Variants in LIMK2 observed in about 807,000 individuals in gnomAD.
The protein encoded by LIMK2 is LIM domain kinase 2.
Under a neutral mutation model 75.7 loss-of-function variants are expected in LIMK2, and 35 were observed. The ratio of observed to expected loss-of-function variants is 0.46; its 90% CI spans 0.35 to 0.61. LIMK2 has a LOEUF of 0.61. LIMK2 is among the 20% of genes least tolerant of loss of function. LIMK2 has a pLI of 0.00. For synonymous variants in LIMK2, 301 were observed against 319.2 expected, an observed-to-expected ratio of 0.94 and a Z score of 0.61; for missense variants, 623 against 831.0, an observed-to-expected ratio of 0.75 and a Z score of 3.08.
chr22:31,277,158 G>A (rs777496867), intron 15 of LIMK2: 10 of 1,613,172 alleles, frequency 6.2e-6, no homozygotes, highest in South Asian at 3.3e-5. Flanking sequence ...CGACCCAGGC[G>A]AACGGTGGCT....
chr22:31,275,483 A>T, intron 15 of LIMK2, 175 bp downstream of exon 15: 1 of 615,568 alleles, frequency 1.6e-6, no homozygotes, highest in Non-Finnish European at 2.8e-6. Flanking sequence ...GAGAAGAGAG[A>T]GGTAAAGACA....
Position 31,262,189 on chromosome 22 carries a change from C to G in LIMK2, c.607C>G (p.Arg203Gly), listed in dbSNP as rs200312431. Residue 203 changes from arginine (R) to glycine (G), a missense_variant, in exon 6 of 16, where the codon CGC (arginine) becomes GGC (glycine). Transcript: ENST00000331728. The surrounding 1 kb of genome is among the most constrained non-coding windows in gnomAD (Gnocchi z 5.0). ...TCGAAACGCCATCCACCCTGGGGAC[C>G]GCATCCTGGAGATCAATGGGACCCC... The part of the protein sequence containing the change: ...NNRNAIHPGD[R>G]ILEINGTPVR... The G allele has an allele frequency of 1.4e-4, 222 of 1,614,144 alleles. No homozygotes were observed. The highest frequency in any genetic ancestry group is 1.8e-4 in the Non-Finnish European group (214 of 1,180,002).
At position 31,278,566 on chromosome 22, in the gene LIMK2, A is replaced by C. The variant is rs776848641; in HGVS notation, c.*125A>C. 7 of 1,075,618 alleles carry C rather than the reference A, an allele frequency of 6.5e-6. No individual in the cohort carries two copies. Among genetic ancestry groups the C allele is most frequent in the Non-Finnish European group, 7.7e-6 (6 of 777,114 alleles). 66.6% of individuals were successfully genotyped at this position (1,075,618 alleles called of 1,614,324 possible). On this transcript the variant is annotated 3_prime_UTR_variant, in exon 16 of 16. Coordinates refer to ENST00000331728, the MANE Select transcript of LIMK2 (RefSeq NM_005569.4). ...TGGCGGAATGTTTAGAAGCAGAACA[A>C]GCCATTCCTATTACCTCCCCAGGAG...
chr22:31,256,256 C>T (rs1166489858), intron 2 of LIMK2, among the ~76,000 whole-genome samples: 1 of 150,580 alleles, frequency 6.6e-6, no homozygotes, highest in Non-Finnish European at 1.5e-5. Flanking sequence ...CTCAGCCTCC[C>T]AAAGTGCTGG....
chr22:31,270,313 C>A (rs2048942750), intron 11 of LIMK2, among the ~76,000 whole-genome samples: 1 of 152,144 alleles, frequency 6.6e-6, no homozygotes, highest in Admixed American at 6.5e-5. Flanking sequence ...AACAGACACA[C>A]AAGAGTCTCA....
chr22:31,271,985 T>G (rs1313908043), intron 12 of LIMK2, among the ~76,000 whole-genome samples: 3 of 152,242 alleles, frequency 2.0e-5, no homozygotes, highest in African/African-American at 7.2e-5. Context: ...ATGAACCCAC[T>G]GTGGGCTGGG....
chr22:31,214,867 C>G (rs2048377528), intron 1 of LIMK2, among the ~76,000 whole-genome samples: 1 of 152,262 alleles, frequency 6.6e-6, no homozygotes, highest in Admixed American at 6.5e-5. Context: ...GCGATCCAGA[C>G]TCACTGTACC....
Position 31,212,312 on chromosome 22 carries a change from G to T in LIMK2, c.-97G>T. ...CTGGGGCTGTGGTCTTCCCGCGCCT[G>T]AGGCGGCGGCGGCAGGAGCTGAGGG... is the stretch of plus-strand genomic sequence containing the variant. On this transcript the variant is annotated 5_prime_UTR_variant, in exon 1 of 16. Transcript: ENST00000331728. 1 of 1,253,912 alleles carries T rather than the reference G, an allele frequency of 8.0e-7. No individual in the cohort carries two copies. The highest frequency in any genetic ancestry group is 3.7e-5 in the Admixed American group (1 of 26,992). 77.7% of individuals were successfully genotyped at this position (1,253,912 alleles called of 1,614,324 possible). A position where few individuals can be genotyped will look rare whatever the true frequency, so the allele number is the denominator to read the frequency against.
At chr22:31,270,237 G>A (rs558970218) in intron 11 of LIMK2, among the ~76,000 whole-genome samples, 3 of 152,288 alleles carry the variant, frequency 2.0e-5, no homozygotes, top group South Asian at 4.1e-4. Flanking sequence ...GCTGGTGGGG[G>A]TGTCTCAGCT....
intron 2 of LIMK2, among the ~76,000 whole-genome samples, chr22:31,236,958 TAAAATAAAAA>T (rs1278779363): frequency 4.3e-5 from 6 of 140,926 alleles, no homozygotes; most frequent in Middle Eastern, 4.2e-3. Context: ...TAAAATAAAA[TAAAATAAAAA>T]AATATGGAGG....
chr22:31,213,782 T>C (rs1196111132), intron 1 of LIMK2, among the ~76,000 whole-genome samples: 1 of 151,674 alleles, frequency 6.6e-6, no homozygotes, highest in African/African-American at 2.4e-5. Context: ...TTTTTTAAGC[T>C]TACAGAGTCC....
At chr22:31,249,780 T>C (rs1019018987) in intron 2 of LIMK2, among the ~76,000 whole-genome samples, 2 of 152,090 alleles carry the variant, frequency 1.3e-5, no homozygotes, top group African/African-American at 2.4e-5. Flanking sequence ...GTGCACCATG[T>C]GGTTTTGTGG....
At chr22:31,228,343 C>T (rs184989313) in intron 2 of LIMK2, among the ~76,000 whole-genome samples, 6 of 152,092 alleles carry the variant, frequency 3.9e-5, no homozygotes, top group Admixed American at 1.3e-4. Flanking sequence ...CGCTTGAATC[C>T]GGGAAGCAGA....
chr22:31,248,790 C>G, intron 2 of LIMK2: 1 of 1,613,344 alleles, frequency 6.2e-7, no homozygotes, highest in Non-Finnish European at 8.5e-7. Flanking sequence ...CTCCGAGTTC[C>G]CCTCTCCATC....
At chr22:31,249,269 G>A (rs146766445) in intron 2 of LIMK2, among the ~76,000 whole-genome samples, 136 of 152,298 alleles carry the variant, frequency 8.9e-4, no homozygotes, top group African/African-American at 3.0e-3. Context: ...TTCTCTTAAT[G>A]GCAGGCACAT....
chr22:31,251,274 C>T (rs917989929), intron 2 of LIMK2, among the ~76,000 whole-genome samples: 2 of 152,166 alleles, frequency 1.3e-5, no homozygotes, highest in Non-Finnish European at 2.9e-5. Context: ...CTTGGGTTTA[C>T]ACATTATCTC....
chr22:31,273,051 A>C, intron 13 of LIMK2: 2 of 1,115,842 alleles, frequency 1.8e-6, no homozygotes, highest in Non-Finnish European at 2.2e-6. Context: ...AACCAACCAG[A>C]GATGCTGGTT....
chr22:31,212,555 A>G (rs2048355952), intron 1 of LIMK2, 131 bp downstream of exon 1: 1 of 897,612 alleles, frequency 1.1e-6, no homozygotes, highest in South Asian at 5.1e-5. Flanking sequence ...CTCCTCAGAA[A>G]AGCTGGGAGG....
intron 1 of LIMK2, among the ~76,000 whole-genome samples, chr22:31,218,230 C>G (rs1244185405): frequency 1.3e-5 from 2 of 152,208 alleles, no homozygotes; most frequent in Admixed American, 1.3e-4. Flanking sequence ...AGGAGACAAG[C>G]TCAGAGAGGT....
Sources: gnomAD v4.1 joint callset for allele counts (sites outside exome capture counted in the v4.1 genomes callset) on GRCh38, gnomAD v4.1.1 for gene constraint, Gnocchi (gnomAD v3.1) non-coding constraint, MANE v1.5 for transcripts, NCBI Gene and HGNC (gene_info 2026-07-23, HGNC 2026-07-21) for gene names.